LATS1: variants seen among roughly 807,000 people sequenced by gnomAD.
The protein encoded by LATS1 is large tumor suppressor kinase 1, also known as serine/threonine-protein kinase LATS1.
LATS1 carries 25 observed loss-of-function variants against 106.6 expected under a neutral mutation model. That is an observed-to-expected ratio of 0.23 (90% CI 0.17 to 0.33). The LOEUF is 0.33. LATS1 is among the 10% of genes least tolerant of loss of function. LATS1 has a pLI of 1.00. For synonymous variants in LATS1, 465 were observed against 455.6 expected (o/e 1.02, Z -0.26); for missense variants, 1,040 against 1,382.6 (o/e 0.75, Z 3.93).
At chr6:149,678,883 T>G (rs548298427) in intron 5 of LATS1, among the ~76,000 whole-genome samples, 1 of 152,242 alleles carries the variant, frequency 6.6e-6, no homozygotes, top group African/African-American at 2.4e-5. Context: ...TAAAATAGGA[T>G]CAAGGATCAT....
chr6:149,710,123 C>A (rs1317550398), intron 1 of LATS1, among the ~76,000 whole-genome samples: 3 of 152,170 alleles, frequency 2.0e-5, no homozygotes, highest in Non-Finnish European at 4.4e-5. Context: ...CCTTTCTGGA[C>A]CTAACCAATG....
intron 7 of LATS1, among the ~76,000 whole-genome samples, chr6:149,666,090 G>A (rs915290420): frequency 3.1e-5 from 4 of 127,790 alleles, no homozygotes; most frequent in East Asian, 2.5e-4. Flanking sequence ...AGCCGAGATC[G>A]CACCACTGCA....
rs1324885542 is a variant in LATS1, at chr6:149,680,875, T to C, written c.2011-418A>G. On this transcript the variant is annotated intron_variant, in intron 4 of 7. Transcript: ENST00000543571. ...GGCCTCAAATATTCTTCCTATTTTG[T>C]CTTTCATGAAAAAAAATTCTTCCAC... 2.6e-5 allele frequency among the ~76,000 whole-genome samples: 4 copies of C among 152,140 alleles called. No homozygotes were observed. In the East Asian group the frequency reaches 7.7e-4, roughly 29 times the overall value.
intron 7 of LATS1, among the ~76,000 whole-genome samples, chr6:149,669,114 T>C (rs929805244): frequency 1.3e-5 from 2 of 151,766 alleles, no homozygotes; most frequent in Non-Finnish European, 2.9e-5. Flanking sequence ...TGAGCCACCA[T>C]ACCTGGCTGG....
intron 1 of LATS1, 169 bp from the exon 2 acceptor site, chr6:149,702,435 T>C (rs1783517010): frequency 2.1e-5 from 5 of 238,878 alleles, no homozygotes. Flanking sequence ...CCATGCCTAC[T>C]TCCTAGCCTA....
chr6:149,667,879 A>G (rs1292308755), intron 7 of LATS1, among the ~76,000 whole-genome samples: 3 of 152,264 alleles, frequency 2.0e-5, no homozygotes, highest in Admixed American at 6.5e-5. Flanking sequence ...TAGACATTTT[A>G]AAGTGCTGTA....
In LATS1 at chr6:149,713,752, C is replaced by T. The variant is rs151274665; in HGVS notation, c.-141+4097G>A. ...TCAGCTGACTGCAACCTCTGCCTCC[C>T]GGGTTCAAGCAATTCTCCTGCCTCA... is the stretch of plus-strand genomic sequence containing the variant. On this transcript the variant is annotated intron_variant, in intron 1 of 7. Transcript: ENST00000543571. Among the ~76,000 whole-genome samples the T allele has an allele frequency of 1.7e-3, 263 of 151,980 alleles. 1 individual carries two copies. Among genetic ancestry groups the T allele is most frequent in the African/African-American group, 5.9e-3 (243 of 41,442 alleles).
At chr6:149,688,932 C>T (rs1782557284) in intron 3 of LATS1, among the ~76,000 whole-genome samples, 1 of 151,904 alleles carries the variant, frequency 6.6e-6, no homozygotes, top group African/African-American at 2.4e-5. Context: ...CTTTAGGAGG[C>T]CGAGGTGGGC....
chr6:149,687,703 G>A (rs1782475350), intron 3 of LATS1, among the ~76,000 whole-genome samples: 1 of 151,942 alleles, frequency 6.6e-6, no homozygotes, highest in Non-Finnish European at 1.5e-5. Flanking sequence ...AAAATGCTAG[G>A]ATTATAGGCA....
intron 7 of LATS1, among the ~76,000 whole-genome samples, chr6:149,674,184 C>A (rs1294417375): frequency 6.6e-6 from 1 of 151,818 alleles, no homozygotes; most frequent in South Asian, 2.1e-4. Context: ...AAGCAATCCC[C>A]GTGCCTCAGC....
rs775695174 is a variant in LATS1 at position 149,684,377 on chromosome 6, G to C, written c.712C>G (p.Pro238Ala). 16 of 1,613,908 alleles carry C rather than the reference G, an allele frequency of 9.9e-6. No homozygotes were observed. Among genetic ancestry groups the C allele is most frequent in the Non-Finnish European group, 1.3e-5 (15 of 1,179,990 alleles). ...GTAACACTCCTTACTTGAGGTGGTG[G>C]TGGGGGGTTCACTCTCTGTCCGTTG... ...PSNGQRVNPP[P>A]PPQVRSVTPP... Residue 238 changes from proline (P) to alanine (A), a missense_variant, in exon 4 of 8, where the codon CCA becomes GCA. Around this residue, in one of 7 missense-constraint regions of LATS1, gnomAD observed 624 missense variants for 714.8 expected, o/e 0.87. Coordinates refer to ENST00000543571, the MANE Select transcript of LATS1 (RefSeq NM_004690.4).
intron 2 of LATS1, among the ~76,000 whole-genome samples, chr6:149,697,736 TTTTC>T (rs1427688056): frequency 1.2e-4 from 19 of 152,092 alleles, no homozygotes; most frequent in African/African-American, 4.1e-4. Context: ...ATCATTTTTC[TTTTC>T]TTTTTTTTGT....
intron 4 of LATS1, 99 bp downstream of exon 4, chr6:149,682,980 G>T: frequency 3.4e-6 from 3 of 869,598 alleles, no homozygotes; most frequent in South Asian, 2.0e-5. Flanking sequence ...ATTTTATTTA[G>T]CTATAAAAAG....
At chr6:149,676,467 T>C in intron 6 of LATS1, 88 bp downstream of exon 6, 3 of 1,388,952 alleles carry the variant, frequency 2.2e-6, no homozygotes, top group South Asian at 2.6e-5. Context: ...AATACTTTTA[T>C]TATAAGCCTG....
At chr6:149,663,065 T>C (rs752271143) in intron 7 of LATS1, among the ~76,000 whole-genome samples, 4 of 151,720 alleles carry the variant, frequency 2.6e-5, no homozygotes, top group Non-Finnish European at 5.9e-5. Context: ...TAAGACTACC[T>C]AGTCTCTCCC....
chr6:149,714,791 G>A (rs182526947), intron 1 of LATS1, among the ~76,000 whole-genome samples: 3 of 152,208 alleles, frequency 2.0e-5, no homozygotes, highest in African/African-American at 7.2e-5. Flanking sequence ...AATTCAGAAG[G>A]ATCCTAGATT....
At chr6:149,673,942 TG>T (rs1472323292) in intron 7 of LATS1, among the ~76,000 whole-genome samples, 1 of 151,896 alleles carries the variant, frequency 6.6e-6, no homozygotes, top group African/African-American at 2.4e-5. Context: ...CCCAAAGTGC[TG>T]GGATTACAGG....
At chr6:149,665,870 C>T (rs1031204984) in intron 7 of LATS1, among the ~76,000 whole-genome samples, 3 of 151,958 alleles carry the variant, frequency 2.0e-5, no homozygotes, top group Admixed American at 6.6e-5. Context: ...TGGCTGGGCA[C>T]GGTGGCTCAC....
At chr6:149,685,732 G>C (rs1782339138) in intron 3 of LATS1, among the ~76,000 whole-genome samples, 1 of 151,678 alleles carries the variant, frequency 6.6e-6, no homozygotes, top group South Asian at 2.1e-4. Flanking sequence ...GCTATAATTA[G>C]CTGAATATTA....
Sources: gnomAD v4.1 joint callset for allele counts (sites outside exome capture counted in the v4.1 genomes callset) on GRCh38, gnomAD v4.1.1 for gene constraint, gnomAD v4.1.1 regional missense constraint, MANE v1.5 for transcripts, NCBI Gene and HGNC (gene_info 2026-07-23, HGNC 2026-07-21) for gene names.